Variants in MAMSTR observed in about 807,000 individuals in gnomAD.
The protein encoded by MAMSTR is MEF2-activating motif and SAP domain-containing transcriptional regulator.
In MAMSTR, 41 loss-of-function variants were observed where a neutral mutation model predicts 42.7. That is an observed-to-expected ratio of 0.96 (90% confidence interval 0.75 to 1.25). The LOEUF (loss-of-function observed/expected upper bound fraction) is 1.25, where lower values mean the gene tolerates loss of function less well. Among genes scored for constraint, MAMSTR ranks in the 50% most tolerant of loss-of-function variants. The pLI, the probability that MAMSTR is intolerant of heterozygous loss-of-function variation, is 0.00. For missense variants in MAMSTR, 567 were observed against 557.6 expected (o/e 1.02, Z -0.17); for synonymous variants, 265 against 244.1 (o/e 1.09, Z -0.80).
At chr19:48,707,649 T>C in the MAMSTR span, among the ~76,000 whole-genome samples, 1 of 149,294 alleles carries the variant, frequency 6.7e-6, no homozygotes, top group African/African-American at 2.5e-5. Flanking sequence ...GCTGAGTCAG[T>C]AGAATCACTT....
downstream of MAMSTR, among the ~76,000 whole-genome samples, chr19:48,709,042 C>A (rs1471631449): frequency 6.6e-6 from 1 of 152,072 alleles, no homozygotes; most frequent in Non-Finnish European, 1.5e-5. Flanking sequence ...GTAATCCCTG[C>A]ACTTTGGGAG....
In MAMSTR at chr19:48,713,362, G is replaced by C. The variant is rs761455535; in HGVS notation, c.1153C>G (p.Leu385Val). 16 of 1,609,618 alleles carry C rather than the reference G, an allele frequency of 9.9e-6. No homozygotes were observed. In the Middle Eastern group the frequency reaches 1.5e-3, roughly 151 times the overall value. Reference protein sequence around the residue: ...WLEALSGGPPLGSGPPPPSIF... With the variant: ...WLEALSGGPPVGSGPPPPSIF... ...CTGGGGGGTGGGGGACCAGAACCCAGAGGAGGACCCCCGCTCAGGGCCTCC... is the reference window on the plus strand; with the variant it reads ...CTGGGGGGTGGGGGACCAGAACCCACAGGAGGACCCCCGCTCAGGGCCTCC... Residue 385 changes from leucine (L) to valine (V), a missense_variant, in exon 10 of 10, where the codon CTG becomes GTG. Transcript: ENST00000318083.
chr19:48,714,471 C>T lies in MAMSTR; in HGVS notation c.618G>A (p.Ala206=), dbSNP rs755562142. Residue 206 remains alanine (A), a synonymous_variant, in exon 7 of 10, where the codon GCG becomes GCA. Transcript: ENST00000318083. The stretch of plus-strand genomic sequence containing the variant: ...GCGGCTTCGGCCGCTCGCGGGGCGG[C>T]GCGCCGCCGCGCATGCGCTCCAGGA... ...SMLLERMRGG[A]PPRERPKPRR... is the part of the protein sequence containing the mutation. 6.6e-6 allele frequency: 9 copies of T among 1,360,570 alleles called. No homozygotes were observed. The highest frequency in any genetic ancestry group is 2.0e-5 in the South Asian group (1 of 50,868). 84.3% of individuals were successfully genotyped at this position (1,360,570 alleles called of 1,614,324 possible). A position where few individuals can be genotyped will look rare whatever the true frequency, so the allele number is the denominator to read the frequency against.
chr19:48,718,961 AGCCCTC>A lies in MAMSTR; in HGVS notation c.58+7_58+12del. The A allele has an allele frequency of 6.5e-7, 1 of 1,548,402 alleles. No homozygotes were observed. Among genetic ancestry groups the A allele is most frequent in the South Asian group, 1.2e-5 (1 of 83,992 alleles). On this transcript the variant is annotated splice_region_variant and intron_variant, in intron 2 of 9. Coordinates refer to ENST00000318083, the MANE Select transcript of MAMSTR (RefSeq NM_001130915.2). Reference sequence around the variant, plus strand: ...GATCCCATCCCCCACGCATAAAGAGAGCCCTCTCTCACCAGATCGGAACTTGGAGCG... The same window carrying A: ...GATCCCATCCCCCACGCATAAAGAGATCTCACCAGATCGGAACTTGGAGCG...
downstream of MAMSTR, among the ~76,000 whole-genome samples, chr19:48,712,047 T>C (rs979326918): frequency 6.6e-6 from 1 of 152,080 alleles, no homozygotes; most frequent in African/African-American, 2.4e-5. Flanking sequence ...TGAGCCACCG[T>C]GCCCGGCCCA....
Position 48,713,099 on chromosome 19 carries a change from G to T in MAMSTR, c.*168C>A. On this transcript the variant is annotated 3_prime_UTR_variant, in exon 10 of 10. Coordinates refer to ENST00000318083, the MANE Select transcript of MAMSTR (RefSeq NM_001130915.2). ...ATCATAAGGAGGCCAGGTAGGCAAAGTTAAGGCAGTTGCATGTCAGCAGCA... is the reference window on the plus strand; with the variant it reads ...ATCATAAGGAGGCCAGGTAGGCAAATTTAAGGCAGTTGCATGTCAGCAGCA... The T allele has an allele frequency of 1.6e-6, 1 of 626,356 alleles. No homozygotes were observed. Among genetic ancestry groups the T allele is most frequent in the Non-Finnish European group, 2.6e-6 (1 of 385,722 alleles). The allele number at this position is 626,356 out of a possible 1,614,324, so 38.8% of individuals were successfully genotyped here.
At chr19:48,707,825 A>AAAG (rs750880952), downstream of MAMSTR, among the ~76,000 whole-genome samples, 1 of 97,548 alleles carries the variant, frequency 1.0e-5, no homozygotes, top group Non-Finnish European at 2.2e-5. Flanking sequence ...AGAAAGAAAG[A>AAAG]CAAAGAAAGA....
At chr19:48,705,851 C>T in the MAMSTR span, 1 of 166,402 alleles carries the variant, frequency 6.0e-6, no homozygotes, top group East Asian at 2.0e-4. Flanking sequence ...CGTGATTGGA[C>T]TTGCGAATAG....
chr19:48,714,004 A>T lies in MAMSTR; in HGVS notation c.765T>A (p.Arg255=). Reference sequence around the variant, plus strand: ...GAGCCGTCCCCGGGGTATCCGCGGCACGTGGAAGAGGTGGCCTGTGAGATG... The same window carrying T: ...GAGCCGTCCCCGGGGTATCCGCGGCTCGTGGAAGAGGTGGCCTGTGAGATG... ...SAASHRPPLP[R]AADTPGTAPA... is the part of the protein sequence containing the mutation. Residue 255 remains arginine (R), a synonymous_variant, in exon 8 of 10, where the codon CGT becomes CGA. Transcript: ENST00000318083. 1.2e-6 allele frequency: 2 copies of T among 1,609,666 alleles called. No individual in the cohort carries two copies. The highest frequency in any genetic ancestry group is 1.7e-6 in the Non-Finnish European group (2 of 1,178,258).
At position 48,719,164 on chromosome 19, in the gene MAMSTR, G is replaced by T; in HGVS notation, c.-21-112C>A. On this transcript the variant is annotated intron_variant, in intron 1 of 9. Transcript: ENST00000318083. This position sits in a 1 kb window ranked among gnomAD's most constrained non-coding sequence, Gnocchi z 4.4. ...CAGGGAAAGGGCCCGAAGGAGGTGG[G>T]AATAGGAGCAGCCTTGGGCCATAAC... 1 of 735,238 alleles carries T rather than the reference G, an allele frequency of 1.4e-6. No homozygotes were observed. The highest frequency in any genetic ancestry group is 1.5e-5 in the South Asian group (1 of 65,052). The allele number at this position is 735,238 out of a possible 1,614,324, so 45.5% of individuals were successfully genotyped here.
downstream of MAMSTR, among the ~76,000 whole-genome samples, chr19:48,709,215 G>A (rs188730845): frequency 2.1e-3 from 322 of 152,208 alleles, 2 homozygotes; most frequent in African/African-American, 7.6e-3. Context: ...GCGGCGTGAT[G>A]TCGGCTGACC....
At chr19:48,706,457 G>C in the MAMSTR span, among the ~76,000 whole-genome samples, 38 of 151,930 alleles carry the variant, frequency 2.5e-4, no homozygotes, top group African/African-American at 8.7e-4. Context: ...GGCCAACATA[G>C]TGAAACCCTG....
downstream of MAMSTR, among the ~76,000 whole-genome samples, chr19:48,708,218 G>C (rs1438292851): frequency 8.0e-6 from 1 of 124,288 alleles, no homozygotes; most frequent in Non-Finnish European, 1.6e-5. Context: ...TGGGCAACAA[G>C]AGTGAACTCC....
Position 48,713,046 on chromosome 19 carries a change from C to A in MAMSTR, c.*221G>T. 1 of 485,354 alleles carries A rather than the reference C, an allele frequency of 2.1e-6. No individual in the cohort carries two copies. The highest frequency in any genetic ancestry group is 3.6e-6 in the Non-Finnish European group (1 of 278,820). 30.1% of individuals were successfully genotyped at this position (485,354 alleles called of 1,614,324 possible). A position where few individuals can be genotyped will look rare whatever the true frequency, so the allele number is the denominator to read the frequency against. ...TTGCCGTGGCCAGCAGCAAAAGAAG[C>A]CCCCCAACCATACCACGCCGGAGGG... On this transcript the variant is annotated 3_prime_UTR_variant, in exon 10 of 10. Coordinates refer to ENST00000318083, the MANE Select transcript of MAMSTR (RefSeq NM_001130915.2).
chr19:48,716,858 C>T, intron 2 of MAMSTR, 115 bp from the exon 3 acceptor site: 1 of 1,241,476 alleles, frequency 8.1e-7, no homozygotes, highest in Non-Finnish European at 1.0e-6. Flanking sequence ...GCCCAGCCCC[C>T]TTACACAGCC....
At chr19:48,716,575 T>G in intron 3 of MAMSTR, 130 bp downstream of exon 3, 31 of 1,015,496 alleles carry the variant, frequency 3.1e-5, no homozygotes, top group South Asian at 4.7e-5. Flanking sequence ...CAGGATGGGA[T>G]TTTGGTCTGT....
At position 48,713,885 on chromosome 19, in the gene MAMSTR, A is replaced by G. The variant is rs1031895356; in HGVS notation, c.884T>C (p.Leu295Pro). 10 of 1,612,172 alleles carry G rather than the reference A, an allele frequency of 6.2e-6. No homozygotes were observed. The highest frequency in any genetic ancestry group is 2.7e-5 in the African/African-American group (2 of 74,912). ...CTGCGCCCTCCGGATCGCTTCCTGC[A>G]GCTCCTCCTCCAGAGTCAGAGCCGC... ...GSAALTLEEE[L>P]QEAIRRAQLL... is the part of the protein sequence containing the mutation. Residue 295 changes from leucine (L) to proline (P), a missense_variant, in exon 8 of 10, where the codon CTG (leucine) becomes CCG (proline). Transcript: ENST00000318083.
the MAMSTR span, among the ~76,000 whole-genome samples, chr19:48,706,988 CG>C: frequency 1.3e-5 from 2 of 152,044 alleles, no homozygotes; most frequent in East Asian, 3.8e-4. Context: ...ACCAGCTACT[CG>C]GAAGGCTGAA....
At chr19:48,717,109 A>C in intron 2 of MAMSTR, 4 of 339,110 alleles carry the variant, frequency 1.2e-5, no homozygotes, top group Admixed American at 7.1e-5. Context: ...CCCTTTATCC[A>C]TGCACTCCTG....
Sources: gnomAD v4.1 joint callset for allele counts (sites outside exome capture counted in the v4.1 genomes callset) on GRCh38, gnomAD v4.1.1 for gene constraint, Gnocchi (gnomAD v3.1) non-coding constraint, MANE v1.5 for transcripts, NCBI Gene and HGNC (gene_info 2026-07-23, HGNC 2026-07-21) for gene names.